Variants in DCDC1 observed in about 807,000 individuals in gnomAD.
The protein encoded by DCDC1 is doublecortin domain containing 1.
A neutral mutation model predicts 178.3 loss-of-function variants in DCDC1; 200 were observed. The observed-to-expected ratio is 1.12, with a 90% CI of 1.00 to 1.26. The LOEUF (loss-of-function observed/expected upper bound fraction) is 1.26. Among genes scored for constraint, DCDC1 ranks in the 50% most tolerant of loss-of-function variants. The probability of loss-of-function intolerance (pLI) is 0.00; values close to 1 mark genes in which losing one functional copy is unlikely to be tolerated. For missense variants in DCDC1, 1,983 were observed against 1,749.2 expected (o/e 1.13, Z -2.38); for synonymous variants, 690 against 604.8 (o/e 1.14, Z -2.07).
At chr11:31,220,864 TC>T (rs1974184826) in intron 9 of DCDC1, among the ~76,000 whole-genome samples, 1 of 152,142 alleles carries the variant, frequency 6.6e-6, no homozygotes, top group Non-Finnish European at 1.5e-5. Context: ...AGGGGTCTCT[TC>T]CTGGGTTGCA....
At chr11:30,903,077 A>T (rs558885548) in intron 32 of DCDC1, among the ~76,000 whole-genome samples, 17 of 152,188 alleles carry the variant, frequency 1.1e-4, no homozygotes, top group African/African-American at 3.9e-4. Flanking sequence ...AATAGTAGCA[A>T]GAGATTTCCA....
chr11:31,018,247 T>G (rs563878055), intron 20 of DCDC1, among the ~76,000 whole-genome samples: 2 of 152,358 alleles, frequency 1.3e-5, no homozygotes, highest in South Asian at 4.1e-4. Flanking sequence ...TCTTACAAAT[T>G]AATCAGAGGG....
chr11:31,265,553 T>C lies in DCDC1; in HGVS notation c.1008A>G (p.Arg336=). ...TTCTGCCATACAAATCATAAAAATA[T>C]CTGGCTGGTAAATTTAGATTCATTC... The part of the protein sequence containing the change: ...TIRMNLNLPA[R]YFYDLYGRKI... The change falls in exon 8 of 39, where the codon AGA becomes AGG. Residue 336 remains arginine, a synonymous_variant. Coordinates refer to ENST00000684477, the MANE Select transcript of DCDC1 (RefSeq NM_001387274.1). 4.8e-6 allele frequency: 7 copies of C among 1,446,672 alleles called. No homozygotes were observed. The highest frequency in any genetic ancestry group is 6.4e-6 in the Non-Finnish European group (7 of 1,095,344). The allele number at this position is 1,446,672 out of a possible 1,614,324, so 89.6% of individuals were successfully genotyped here.
Position 31,290,849 on chromosome 11 carries a change from T to C in DCDC1, c.758A>G (p.His253Arg). ...FLNPFKKIKD[H>R]LLLIKKVTWT... ...AGTTACTTTCTTAATTAACAACAGA[T>C]GGTCTAGAAGATAATTTTTTAAGTC... is the stretch of plus-strand genomic sequence containing the variant. The change falls in exon 7 of 39, where the codon CAT (histidine) becomes CGT (arginine). Residue 253 changes from histidine to arginine, a missense_variant. By Grantham distance (29) the His-to-Arg change is conservative (BLOSUM62 0). Transcript: ENST00000684477. 1.2e-6 allele frequency: 2 copies of C among 1,610,622 alleles called. No individual in the cohort carries two copies. Among genetic ancestry groups the C allele is most frequent in the Non-Finnish European group, 1.7e-6 (2 of 1,178,646 alleles).
At chr11:31,266,074 C>T (rs1945141253) in intron 7 of DCDC1, among the ~76,000 whole-genome samples, 1 of 151,742 alleles carries the variant, frequency 6.6e-6, no homozygotes, top group African/African-American at 2.4e-5. Context: ...ACCTACTTTC[C>T]TTAGCTTTTA....
rs1940875003 is a variant in DCDC1, at chr11:30,865,228, TTG to T, written c.*143_*144del. On this transcript the variant is annotated 3_prime_UTR_variant, in exon 39 of 39. Coordinates refer to ENST00000684477, the MANE Select transcript of DCDC1 (RefSeq NM_001387274.1). ...ATTTTTTTTAATAAACTATGCAGGATTGTTATTTAGAAGATTTGCCAAATTTA... is the reference window on the plus strand; with the variant it reads ...ATTTTTTTTAATAAACTATGCAGGATTTATTTAGAAGATTTGCCAAATTTA... The T allele has an allele frequency of 6.6e-6, 1 of 152,190 alleles. No homozygotes were observed. Among genetic ancestry groups the T allele is most frequent in the Non-Finnish European group, 1.5e-5 (1 of 68,038 alleles). The allele number at this position is 152,190 out of a possible 1,614,324, so 9.4% of individuals were successfully genotyped here.
chr11:30,962,397 G>T (rs1949154469), intron 20 of DCDC1, among the ~76,000 whole-genome samples: 1 of 151,608 alleles, frequency 6.6e-6, no homozygotes, highest in Non-Finnish European at 1.5e-5. Flanking sequence ...GCAATTAAGG[G>T]CTAAGAAGGA....
chr11:31,233,261 A>G (rs926139263), intron 9 of DCDC1, among the ~76,000 whole-genome samples: 4 of 152,156 alleles, frequency 2.6e-5, no homozygotes, highest in Admixed American at 2.0e-4. Context: ...AAGTTCCCAT[A>G]ATACATAGAA....
At chr11:30,868,407 C>T (rs1304786183) in intron 38 of DCDC1, among the ~76,000 whole-genome samples, 5 of 151,882 alleles carry the variant, frequency 3.3e-5, no homozygotes, top group Admixed American at 3.3e-4. Context: ...CCCACCACCA[C>T]ACGTGGTTAA....
chr11:31,204,079 C>T (rs1025935280), intron 9 of DCDC1, among the ~76,000 whole-genome samples: 1 of 152,050 alleles, frequency 6.6e-6, no homozygotes, highest in Non-Finnish European at 1.5e-5. Context: ...GTGCTTATTG[C>T]TCCTACCATG....
chr11:31,021,026 C>T (rs925345162), intron 20 of DCDC1, among the ~76,000 whole-genome samples: 1 of 152,122 alleles, frequency 6.6e-6, no homozygotes, highest in African/African-American at 2.4e-5. Flanking sequence ...ATTGCAAGGA[C>T]AGACCATTTT....
chr11:31,123,779 G>T (rs780990455), intron 11 of DCDC1, among the ~76,000 whole-genome samples: 10 of 152,034 alleles, frequency 6.6e-5, no homozygotes, highest in Admixed American at 1.3e-4. Flanking sequence ...GTGGGAGAAA[G>T]AATTCTGGAG....
chr11:30,914,170 C>T (rs1259452584), intron 27 of DCDC1, among the ~76,000 whole-genome samples: 2 of 152,262 alleles, frequency 1.3e-5, no homozygotes, highest in African/African-American at 2.4e-5. Context: ...CCTACCTACA[C>T]ATTGCAAAGG....
intron 1 of DCDC1, among the ~76,000 whole-genome samples, chr11:31,368,806 T>G (rs1225513367): frequency 1.3e-5 from 2 of 152,200 alleles, no homozygotes; most frequent in Non-Finnish European, 2.9e-5. Flanking sequence ...TATGTCATGC[T>G]GGCCAAAAAT....
At chr11:31,369,229 G>T (rs1952140646) in intron 1 of DCDC1, among the ~76,000 whole-genome samples, 1 of 152,090 alleles carries the variant, frequency 6.6e-6, no homozygotes, top group South Asian at 2.1e-4. Context: ...AAAGCGAAGT[G>T]AAATAGCAAA....
intron 8 of DCDC1, among the ~76,000 whole-genome samples, chr11:31,260,774 CA>C (rs1944726578): frequency 6.6e-6 from 1 of 152,082 alleles, no homozygotes; most frequent in South Asian, 2.1e-4. Flanking sequence ...GTTAAGAGAT[CA>C]AAAAGTTTGG....
chr11:31,051,946 AAAC>A (rs1955276916), intron 20 of DCDC1, among the ~76,000 whole-genome samples: 1 of 152,196 alleles, frequency 6.6e-6, no homozygotes, highest in Non-Finnish European at 1.5e-5. Flanking sequence ...ACAAACAAAA[AAAC>A]AAATTACACA....
chr11:31,327,440 G>A (rs903391439), intron 3 of DCDC1, among the ~76,000 whole-genome samples: 1 of 152,122 alleles, frequency 6.6e-6, no homozygotes, highest in African/African-American at 2.4e-5. Flanking sequence ...AAAGTGCTGG[G>A]ATTACAGGCG....
At chr11:31,118,216 C>T (rs982311896) in intron 11 of DCDC1, among the ~76,000 whole-genome samples, 1 of 151,942 alleles carries the variant, frequency 6.6e-6, no homozygotes, top group Non-Finnish European at 1.5e-5. Flanking sequence ...AGAGTGTATG[C>T]TTTTACTGCC....
Sources: gnomAD v4.1 joint callset for allele counts (sites outside exome capture counted in the v4.1 genomes callset) on GRCh38, gnomAD v4.1.1 for gene constraint, MANE v1.5 for transcripts, NCBI Gene and HGNC (gene_info 2026-07-23, HGNC 2026-07-21) for gene names.